NCAM2: variants seen among roughly 807,000 people sequenced by gnomAD.
The protein encoded by NCAM2 is neural cell adhesion molecule 2.
Under a neutral mutation model 98.1 loss-of-function variants are expected in NCAM2, and 30 were observed. The ratio of observed to expected loss-of-function variants is 0.31; its 90% CI spans 0.23 to 0.41. NCAM2 has a LOEUF of 0.41. Ranked by LOEUF, NCAM2 falls within the 10% of genes least tolerant of loss-of-function variation. The pLI, the probability that NCAM2 is intolerant of heterozygous loss-of-function variation, is 1.00. For missense variants in NCAM2, 867 were observed against 1,005.8 expected (o/e 0.86, Z 1.87); for synonymous variants, 368 against 342.4 (o/e 1.07, Z -0.83).
At chr21:21,465,218 G>A (rs1258491849) in intron 12 of NCAM2, among the ~76,000 whole-genome samples, 1 of 151,360 alleles carries the variant, frequency 6.6e-6, no homozygotes, top group Admixed American at 6.6e-5. Context: ...TTTTAATTTT[G>A]GACACAGTAC....
At chr21:21,191,395 A>G (rs2068818055) in intron 1 of NCAM2, among the ~76,000 whole-genome samples, 1 of 152,188 alleles carries the variant, frequency 6.6e-6, no homozygotes, top group Non-Finnish European at 1.5e-5. Context: ...TCAAGCATGT[A>G]GCAATGATTT....
At chr21:21,454,258 T>C (rs1943966489) in intron 12 of NCAM2, among the ~76,000 whole-genome samples, 1 of 152,072 alleles carries the variant, frequency 6.6e-6, no homozygotes, top group South Asian at 2.1e-4. Flanking sequence ...AATTCTTCCC[T>C]AATTCATATT....
intron 1 of NCAM2, among the ~76,000 whole-genome samples, chr21:21,121,023 T>C (rs1049719028): frequency 3.9e-5 from 6 of 152,162 alleles, no homozygotes; most frequent in African/African-American, 1.4e-4. Context: ...GCCATGGATG[T>C]TTATTTGTAC....
chr21:21,312,726 G>A (rs923112198), intron 5 of NCAM2, among the ~76,000 whole-genome samples: 1 of 151,614 alleles, frequency 6.6e-6, no homozygotes, highest in Admixed American at 6.6e-5. Flanking sequence ...ATAATGCTGT[G>A]TTCATAAAAA....
intron 1 of NCAM2, among the ~76,000 whole-genome samples, chr21:21,125,760 A>T (rs2066807710): frequency 6.7e-6 from 1 of 148,224 alleles, no homozygotes; most frequent in African/African-American, 2.5e-5. Context: ...GAAACCACAT[A>T]TTCTTTTTTT....
chr21:21,121,639 T>C (rs551223849), intron 1 of NCAM2, among the ~76,000 whole-genome samples: 96 of 152,298 alleles, frequency 6.3e-4, no homozygotes, highest in Middle Eastern at 3.4e-3. Flanking sequence ...TCAGAATCCT[T>C]ATTTAAAGAT....
chr21:21,228,637 C>T (rs565729898), intron 1 of NCAM2, among the ~76,000 whole-genome samples: 64 of 151,360 alleles, frequency 4.2e-4, no homozygotes, highest in African/African-American at 1.5e-3. Context: ...TCATGTAAAA[C>T]TTTAAAACAC....
intron 9 of NCAM2, among the ~76,000 whole-genome samples, chr21:21,397,672 G>A (rs530057928): frequency 1.7e-4 from 26 of 152,330 alleles, no homozygotes; most frequent in African/African-American, 5.0e-4. Flanking sequence ...AGAGCAGAGC[G>A]CGACTGTGCG....
At position 21,284,267 on chromosome 21, in the gene NCAM2, A is replaced by T; in HGVS notation, c.204A>T (p.Val68=). Reference sequence around the variant, plus strand: ...AGATAATTTCAACACAGAGGGTAGTAGTGCAAAAGGAAGGTGTTAGGTCAC... The same window carrying T: ...AGATAATTTCAACACAGAGGGTAGTTGTGCAAAAGGAAGGTGTTAGGTCAC... ...GEKIISTQRV[V]VQKEGVRSRL... Residue 68 remains valine, a synonymous_variant, in exon 3 of 18, where the codon GTA becomes GTT. Coordinates refer to ENST00000400546, the MANE Select transcript of NCAM2 (RefSeq NM_004540.5). The T allele has an allele frequency of 6.2e-7, 1 of 1,612,232 alleles. No individual in the cohort carries two copies. The highest frequency in any genetic ancestry group is 1.7e-4 in the Middle Eastern group (1 of 6,056).
chr21:21,152,902 T>A (rs796927050), intron 1 of NCAM2, among the ~76,000 whole-genome samples: 17 of 152,098 alleles, frequency 1.1e-4, no homozygotes, highest in African/African-American at 3.8e-4. Flanking sequence ...ACTTTAGCCA[T>A]CTTAACTCCT....
chr21:21,307,119 T>G (rs1199984026), intron 5 of NCAM2, among the ~76,000 whole-genome samples: 1 of 152,102 alleles, frequency 6.6e-6, no homozygotes, highest in Non-Finnish European at 1.5e-5. Context: ...GTGCCACACA[T>G]TGAATATATT....
chr21:21,368,337 A>T (rs528467863), intron 8 of NCAM2, among the ~76,000 whole-genome samples: 13 of 151,674 alleles, frequency 8.6e-5, no homozygotes, highest in Non-Finnish European at 1.5e-4. Flanking sequence ...TTTCACTTCC[A>T]CCTTAATATA....
intron 1 of NCAM2, among the ~76,000 whole-genome samples, chr21:21,239,165 G>A (rs73316776): frequency 0.019 from 2,948 of 152,240 alleles, 96 homozygotes; most frequent in African/African-American, 0.068. Flanking sequence ...AGCAAAATCA[G>A]ATGTTGGGCA....
chr21:21,204,749 TGGG>T (rs1484888958), intron 1 of NCAM2, among the ~76,000 whole-genome samples: 1 of 152,184 alleles, frequency 6.6e-6, no homozygotes, highest in Non-Finnish European at 1.5e-5. Flanking sequence ...TTAGAAAAAT[TGGG>T]CTATTGCCAA....
At chr21:21,371,338 C>T (rs2075910087) in intron 8 of NCAM2, among the ~76,000 whole-genome samples, 1 of 151,670 alleles carries the variant, frequency 6.6e-6, no homozygotes, top group Admixed American at 6.6e-5. Flanking sequence ...ATTGTCTTTA[C>T]CTCAGAGTAT....
At chr21:21,496,802 T>C (rs1250069149) in intron 15 of NCAM2, among the ~76,000 whole-genome samples, 2 of 152,006 alleles carry the variant, frequency 1.3e-5, no homozygotes, top group Non-Finnish European at 2.9e-5. Context: ...TGGTGAAAGG[T>C]AGGGATCCAG....
intron 1 of NCAM2, among the ~76,000 whole-genome samples, chr21:21,129,618 GT>G (rs984808653): frequency 6.6e-6 from 1 of 152,104 alleles, no homozygotes; most frequent in East Asian, 1.9e-4. Flanking sequence ...TGGCGATTTG[GT>G]TTTTAGATGG....
intron 1 of NCAM2, among the ~76,000 whole-genome samples, chr21:21,019,795 TC>T (rs1169116707): frequency 6.6e-6 from 1 of 152,190 alleles, no homozygotes; most frequent in African/African-American, 2.4e-5. Context: ...TACATTCTAT[TC>T]AGTTTTCGCA....
At chr21:21,062,711 G>T (rs1488728253) in intron 1 of NCAM2, among the ~76,000 whole-genome samples, 3 of 152,136 alleles carry the variant, frequency 2.0e-5, no homozygotes, top group African/African-American at 7.2e-5. Context: ...AAGACAAAAT[G>T]TATTGTTTGT....
Sources: allele counts gnomAD v4.1 joint callset (sites outside exome capture counted in the v4.1 genomes callset), GRCh38; gene constraint gnomAD v4.1.1; transcripts MANE v1.5; gene names NCBI Gene and HGNC (gene_info 2026-07-23, HGNC 2026-07-21).